BEST3: variants seen among roughly 807,000 people sequenced by gnomAD.
BEST3 encodes bestrophin-3.
In BEST3, 50 loss-of-function variants were observed where a neutral mutation model predicts 47.1. The ratio of observed to expected loss-of-function variants is 1.06; its 90% CI spans 0.85 to 1.34. BEST3 has a LOEUF of 1.34. BEST3 is among the 40% of genes most tolerant of loss of function. The pLI, the probability that BEST3 is intolerant of heterozygous loss-of-function variation, is 0.00. For missense variants in BEST3, 765 were observed against 817.0 expected (o/e 0.94, Z 0.78); for synonymous variants, 282 against 298.8 (o/e 0.94, Z 0.58).
chr12:69,670,377 G>T, intron 9 of BEST3: 1 of 690,668 alleles, frequency 1.4e-6, no homozygotes, highest in South Asian at 1.5e-5. Flanking sequence ...GTGCTTTGCG[G>T]GCAACAAGGC....
chr12:69,689,774 A>G (rs1885840168), intron 4 of BEST3, among the ~76,000 whole-genome samples: 1 of 152,184 alleles, frequency 6.6e-6, no homozygotes, highest in South Asian at 2.1e-4. Context: ...ACATCCAAGC[A>G]GGTGGAATTC....
rs143142925 is a variant in BEST3 at position 69,679,763 on chromosome 12, A to G, written c.482-870T>C. Among the ~76,000 whole-genome samples the G allele has an allele frequency of 1.1e-3, 164 of 152,330 alleles. 1 individual carries two copies. The East Asian group carries it at 0.012, about 11-fold the overall frequency. ...GTAATCCCAGCTGCTGGGGAGGCTCAGGCATGAAAATCGCTTGAACCCAGG... is the reference window on the plus strand; with the variant it reads ...GTAATCCCAGCTGCTGGGGAGGCTCGGGCATGAAAATCGCTTGAACCCAGG... On this transcript the variant is annotated intron_variant, in intron 4 of 9. Coordinates refer to ENST00000330891, the MANE Select transcript of BEST3 (RefSeq NM_032735.3).
At chr12:69,697,537 A>C (rs1227230562) in intron 2 of BEST3, 110 bp downstream of exon 2, 1 of 846,406 alleles carries the variant, frequency 1.2e-6, no homozygotes, top group African/African-American at 1.8e-5. Flanking sequence ...CTCACGCAAA[A>C]AAGGAGTTCC....
chr12:69,660,902 A>G (rs935575525), intron 9 of BEST3: 3 of 152,232 alleles, frequency 2.0e-5, no homozygotes, highest in African/African-American at 7.2e-5. Flanking sequence ...TTCAAAATAC[A>G]TATGGAATAC....
chr12:69,694,424 AT>A lies in BEST3; in HGVS notation c.192del (p.Lys64AsnfsTer15), dbSNP rs1565845138. On this transcript the variant is annotated frameshift_variant, in exon 3 of 10. Transcript: ENST00000330891. LOFTEE classifies it high-confidence loss of function. ...GCATATCTGTCACAGTAAATTGATA[AT>A]TTTTCAAAGTAACGTTTTTGGACTC... ...LTGVQKRYFEKLSIYCDRYAE... is the reference protein window; with the variant it reads ...LTGVQKRYFEXLSIYCDRYAE... The A allele has an allele frequency of 6.2e-7, 1 of 1,609,666 alleles. No individual in the cohort carries two copies. The highest frequency in any genetic ancestry group is 1.1e-5 in the South Asian group (1 of 90,456).
intron 9 of BEST3, among the ~76,000 whole-genome samples, chr12:69,647,360 G>A (rs1166955564): frequency 2.0e-5 from 3 of 152,200 alleles, no homozygotes. Context: ...GTGCAAATGA[G>A]TGCTATGCCC....
exon 10 of BEST3, chr12:69,643,583 A>G: frequency 1.8e-6 from 1 of 553,892 alleles, no homozygotes; most frequent in Middle Eastern, 2.7e-4. Flanking sequence ...GGAACTCCAC[A>G]TGCCTGGATG....
chr12:69,653,494 G>T, downstream of BEST3: 1 of 423,674 alleles, frequency 2.4e-6, no homozygotes, highest in African/African-American at 2.2e-5. Context: ...GTGATTTTAG[G>T]CAAATACCTT....
At position 69,680,149 on chromosome 12, in the gene BEST3, C is replaced by CAGTA. The variant is rs560684273; in HGVS notation, c.482-1257_482-1256insTACT. ...ATGTGAAACTTTAATTTTCCTCTGCCTACTCCTCCCTCCCCAAACACCAAG... is the reference window on the plus strand; with the variant it reads ...ATGTGAAACTTTAATTTTCCTCTGCCAGTATACTCCTCCCTCCCCAAACACCAAG... On this transcript the variant is annotated intron_variant, in intron 4 of 9. Coordinates refer to ENST00000330891, the MANE Select transcript of BEST3 (RefSeq NM_032735.3). 1.4e-3 allele frequency among the ~76,000 whole-genome samples: 215 copies of CAGTA among 152,022 alleles called. 1 individual carries two copies. The highest frequency in any genetic ancestry group is 5.1e-3 in the African/African-American group (210 of 41,428).
At chr12:69,649,943 TAGA>T (rs369744249), downstream of BEST3, among the ~76,000 whole-genome samples, 8 of 152,364 alleles carry the variant, frequency 5.3e-5, no homozygotes, top group East Asian at 9.6e-4. Flanking sequence ...TGTCTAAAAT[TAGA>T]AGATCAGAGA....
intron 4 of BEST3, 28 bp from the exon 5 acceptor site, chr12:69,678,921 T>A (rs960103266): frequency 3.8e-6 from 6 of 1,576,636 alleles, no homozygotes; most frequent in Non-Finnish European, 5.2e-6. Flanking sequence ...AATCGGTAGG[T>A]ATACAGACTT....
downstream of BEST3, among the ~76,000 whole-genome samples, chr12:69,651,049 C>G (rs1052297839): frequency 6.6e-6 from 1 of 152,244 alleles, no homozygotes; most frequent in South Asian, 2.1e-4. Flanking sequence ...GAGTTCAAGG[C>G]CAGCCTGGGC....
At chr12:69,661,474 A>G (rs1410702641) in intron 9 of BEST3, 2 of 152,206 alleles carry the variant, frequency 1.3e-5, no homozygotes, top group East Asian at 3.9e-4. Flanking sequence ...GGAGCCGATA[A>G]TTTGCCTGAG....
intron 8 of BEST3, among the ~76,000 whole-genome samples, chr12:69,672,248 A>T (rs1452970100): frequency 1.3e-5 from 2 of 152,216 alleles, no homozygotes; most frequent in Non-Finnish European, 2.9e-5. Context: ...TTAACTGCCG[A>T]GTAAGGGCTT....
chr12:69,684,538 C>T (rs1209460909), intron 4 of BEST3: 2 of 667,024 alleles, frequency 3.0e-6, no homozygotes, highest in Non-Finnish European at 5.8e-6. Context: ...AAACGAGGCT[C>T]TATTAGCAGA....
At chr12:69,666,563 T>C (rs1202874222) in intron 9 of BEST3, among the ~76,000 whole-genome samples, 1 of 152,202 alleles carries the variant, frequency 6.6e-6, no homozygotes, top group East Asian at 1.9e-4. Context: ...ATATTGACCA[T>C]TCCTACTCTG....
chr12:69,655,063 A>G lies in BEST3; in HGVS notation c.1851T>C (p.Leu617=). Residue 617 remains leucine (L), a synonymous_variant, in exon 10 of 10, where the codon CTT becomes CTC. Transcript: ENST00000330891. ...CTGAGGATGTTTCTGTGTCAATTAAAAGAGCTGGCTGAGAGCTCATGGGGT... is the reference window on the plus strand; with the variant it reads ...CTGAGGATGTTTCTGTGTCAATTAAGAGAGCTGGCTGAGAGCTCATGGGGT... ...SPDPMSSQPA[L]LIDTETSSEI... 1 of 1,614,206 alleles carries G rather than the reference A, an allele frequency of 6.2e-7. No homozygotes were observed.
intron 9 of BEST3, 129 bp from the exon 10 acceptor site, chr12:69,655,942 C>T: frequency 7.2e-7 from 1 of 1,381,046 alleles, no homozygotes. Flanking sequence ...GGTTTGAGGA[C>T]TTGAGATAGT....
chr12:69,646,859 G>C (rs753140059), intron 9 of BEST3, among the ~76,000 whole-genome samples: 3 of 152,200 alleles, frequency 2.0e-5, no homozygotes, highest in Non-Finnish European at 4.4e-5. Flanking sequence ...GTAGGGTCCA[G>C]TAAACATGTG....
Sources: allele counts gnomAD v4.1 joint callset (sites outside exome capture counted in the v4.1 genomes callset), GRCh38; gene constraint gnomAD v4.1.1; transcripts MANE v1.5; gene names NCBI Gene and HGNC (gene_info 2026-07-23, HGNC 2026-07-21).